Variants in UHMK1 observed in about 807,000 individuals in gnomAD.
UHMK1 encodes U2AF homology motif kinase 1.
In UHMK1, 18 loss-of-function variants were observed where a neutral mutation model predicts 44.0. The ratio of observed to expected loss-of-function variants is 0.41; its 90% CI spans 0.28 to 0.61. The LOEUF (loss-of-function observed/expected upper bound fraction) is 0.61, where lower values mean the gene tolerates loss of function less well. Ranked by LOEUF, UHMK1 falls within the 20% of genes least tolerant of loss-of-function variation. The pLI is 0.31. For synonymous variants in UHMK1, 231 were observed against 198.5 expected (o/e 1.16, Z -1.38); for missense variants, 463 against 522.5 (o/e 0.89, Z 1.11).
At chr1:162,520,161 T>C (rs148379544) in intron 7 of UHMK1, among the ~76,000 whole-genome samples, 390 of 152,366 alleles carry the variant, frequency 2.6e-3, no homozygotes, top group African/African-American at 8.7e-3. Flanking sequence ...CCCTAAGTGC[T>C]GGGATTAAAG....
rs1214500239 is a variant in UHMK1, at chr1:162,523,130, G to GT, written c.*587dup. The GT allele has an allele frequency of 6.5e-6, 1 of 152,696 alleles. No individual in the cohort carries two copies. The highest frequency in any genetic ancestry group is 6.5e-5 in the Admixed American group (1 of 15,290). The allele number at this position is 152,696 out of a possible 1,614,324, so 9.5% of individuals were successfully genotyped here. The stretch of plus-strand genomic sequence containing the variant: ...AAGGAACTGCAGTGAGCCTATCTAA[G>GT]TTTTTTTAAATTAAGGCTTTTAAAA... On this transcript the variant is annotated 3_prime_UTR_variant, in exon 8 of 8. Transcript: ENST00000489294.
chr1:162,512,149 AT>A (rs1323808745), intron 4 of UHMK1, among the ~76,000 whole-genome samples: 1 of 148,360 alleles, frequency 6.7e-6, no homozygotes, highest in Admixed American at 6.8e-5. Flanking sequence ...TATTAGAGAA[AT>A]TTGATGAGAT....
chr1:162,525,260 T>C lies in UHMK1; in HGVS notation c.*2710T>C, dbSNP rs2101689608. 6.6e-6 allele frequency: 1 copy of C among 152,310 alleles called. No individual in the cohort carries two copies. The highest frequency in any genetic ancestry group is 6.5e-5 in the Admixed American group (1 of 15,298). The allele number at this position is 152,310 out of a possible 1,614,324, so 9.4% of individuals were successfully genotyped here. Reference sequence around the variant, plus strand: ...AGGATGAAATATATACATAGGGATTTTGGTTTATTGAAGTTATTGAAAGAC... The same window carrying C: ...AGGATGAAATATATACATAGGGATTCTGGTTTATTGAAGTTATTGAAAGAC... On this transcript the variant is annotated 3_prime_UTR_variant, in exon 8 of 8. Transcript: ENST00000489294.
Position 162,498,076 on chromosome 1 carries a change from C to A in UHMK1, c.76C>A (p.Gln26Lys), listed in dbSNP as rs1257989165. The change falls in exon 1 of 8, where the codon CAG (glutamine) becomes AAG (lysine). Residue 26 changes from glutamine (Q) to lysine (K), a missense_variant. Gln to Lys is a moderately conservative substitution (Grantham distance 53). Transcript: ENST00000489294. ...GGCCTTCGGGCGGCTGTGGCAGGTA[C>A]AGAGCCGTCTGGGTAGCGGCTCCTC... ...LEAFGRLWQV[Q>K]SRLGSGSSAS... The A allele has an allele frequency of 6.2e-7, 1 of 1,611,536 alleles. No homozygotes were observed. Among genetic ancestry groups the A allele is most frequent in the Non-Finnish European group, 8.5e-7 (1 of 1,179,634 alleles).
At chr1:162,497,786 T>G, upstream of UHMK1, 4 of 1,185,994 alleles carry the variant, frequency 3.4e-6, no homozygotes, top group East Asian at 3.4e-5. Flanking sequence ...CTTCGGCCTG[T>G]ATGATAGGCT....
At position 162,522,573 on chromosome 1, in the gene UHMK1, C is replaced by T. The variant is rs760859204; in HGVS notation, c.*23C>T. The T allele has an allele frequency of 9.4e-6, 15 of 1,603,824 alleles. No homozygotes were observed. Among genetic ancestry groups the T allele is most frequent in the Non-Finnish European group, 1.3e-5 (15 of 1,175,484 alleles). On this transcript the variant is annotated 3_prime_UTR_variant, in exon 8 of 8. Transcript: ENST00000489294. ...TAATCAGTAACCTAAGGACTGTTTCCTTTTTCTCCTCTTCCATTTCTTGGG... is the reference window on the plus strand; with the variant it reads ...TAATCAGTAACCTAAGGACTGTTTCTTTTTTCTCCTCTTCCATTTCTTGGG...
rs537299851 is a variant in UHMK1, at chr1:162,501,345, T to G, written c.753+241T>G. ...CCACCGTACCCGGCTAATTTTTGTA[T>G]TTTTAGTAGACACGGAGTTTCACCA... is the stretch of plus-strand genomic sequence containing the variant. On this transcript the variant is annotated intron_variant, in intron 3 of 7. Transcript: ENST00000489294. 7.9e-5 allele frequency among the ~76,000 whole-genome samples: 12 copies of G among 152,190 alleles called. No homozygotes were observed. The East Asian group carries it at 2.1e-3, about 27-fold the overall frequency.
Position 162,525,354 on chromosome 1 carries a change from T to G in UHMK1, c.*2804T>G, listed in dbSNP as rs1271670516. 1 of 152,192 alleles carries G rather than the reference T, an allele frequency of 6.6e-6. No individual in the cohort carries two copies. The highest frequency in any genetic ancestry group is 2.4e-5 in the African/African-American group (1 of 41,448). The allele number at this position is 152,192 out of a possible 1,614,324, so 9.4% of individuals were successfully genotyped here. On this transcript the variant is annotated 3_prime_UTR_variant, in exon 8 of 8. Transcript: ENST00000489294. ...TCATGTCACTTAACCCCTACCCTTT[T>G]GGGCAAATTTTGTCTCAGGTAGTGT...
At position 162,512,480 on chromosome 1, in the gene UHMK1, C is replaced by A. The variant is rs774952991; in HGVS notation, c.849-20C>A. On this transcript the variant is annotated intron_variant, in intron 4 of 7. Coordinates refer to ENST00000489294, the MANE Select transcript of UHMK1 (RefSeq NM_175866.5). ...AAAAGATTCAGCAGAAATGATAAGG[C>A]ACCTATTTTTGTGTTTTAGCATGCT... 3.2e-6 allele frequency: 5 copies of A among 1,582,280 alleles called. No homozygotes were observed. The African/African-American group carries it at 4.1e-5, about 13-fold the overall frequency.
chr1:162,502,967 G>A (rs1177365566), intron 3 of UHMK1, among the ~76,000 whole-genome samples: 2 of 152,118 alleles, frequency 1.3e-5, no homozygotes, highest in Admixed American at 1.3e-4. Flanking sequence ...TTTAACTCAT[G>A]TACACAGTTC....
chr1:162,501,926 TAAAA>T (rs34424551), intron 3 of UHMK1, among the ~76,000 whole-genome samples: 2 of 130,314 alleles, frequency 1.5e-5, no homozygotes, highest in East Asian at 4.4e-4. Flanking sequence ...CAGTCTCTAG[TAAAA>T]AAAAAAAAAA....
intron 3 of UHMK1, among the ~76,000 whole-genome samples, chr1:162,502,174 C>A (rs756874712): frequency 1.3e-5 from 2 of 151,978 alleles, no homozygotes; most frequent in Non-Finnish European, 2.9e-5. Context: ...GTAGTTAATT[C>A]CTAATTTATA....
In UHMK1 at chr1:162,497,979, TC is replaced by T. The variant is rs768633454; in HGVS notation, c.-20del. 27 of 1,504,300 alleles carry T rather than the reference TC, an allele frequency of 1.8e-5. No individual in the cohort carries two copies. Among genetic ancestry groups the T allele is most frequent in the Non-Finnish European group, 2.3e-5 (26 of 1,126,888 alleles). 93.2% of individuals were successfully genotyped at this position (1,504,300 alleles called of 1,614,324 possible). On this transcript the variant is annotated 5_prime_UTR_variant, in exon 1 of 8. Transcript: ENST00000489294. The stretch of plus-strand genomic sequence containing the variant: ...CTCAGGCGTCGCGTCAGCTCCCGTG[TC>T]CGTGCCCTTAACCCACACCGATGGC...
chr1:162,498,996 A>G (rs918737982), intron 1 of UHMK1, among the ~76,000 whole-genome samples: 4 of 152,326 alleles, frequency 2.6e-5, no homozygotes, highest in South Asian at 2.1e-4. Context: ...TTGGAGAAGA[A>G]TTAACACTAG....
At chr1:162,520,732 T>A (rs1652022961) in intron 7 of UHMK1, among the ~76,000 whole-genome samples, 1 of 151,998 alleles carries the variant, frequency 6.6e-6, no homozygotes, top group South Asian at 2.1e-4. Flanking sequence ...TCAGAGAGAT[T>A]AGGGAGTGGT....
At chr1:162,512,995 C>G in intron 6 of UHMK1, 172 bp downstream of exon 6, 1 of 646,804 alleles carries the variant, frequency 1.5e-6, no homozygotes, top group Non-Finnish European at 2.5e-6. Context: ...TCTTGTTGCC[C>G]AGGCTGGAGT....
chr1:162,499,696 G>A (rs1356518757), intron 1 of UHMK1, among the ~76,000 whole-genome samples: 4 of 152,048 alleles, frequency 2.6e-5, no homozygotes, highest in African/African-American at 9.7e-5. Context: ...TGAGTACTTG[G>A]TGAAACACAA....
intron 6 of UHMK1, among the ~76,000 whole-genome samples, chr1:162,514,182 G>A (rs1054716141): frequency 4.6e-5 from 7 of 152,098 alleles, no homozygotes; most frequent in African/African-American, 1.4e-4. Context: ...CCAGCTGCTC[G>A]GGAGGCTGAG....
intron 7 of UHMK1, 110 bp from the exon 8 acceptor site, chr1:162,522,294 C>G: frequency 7.7e-7 from 1 of 1,300,962 alleles, no homozygotes; most frequent in African/African-American, 1.5e-5. Context: ...GAAGCAAAAT[C>G]TGCATTTTAA....
Sources: gnomAD v4.1 joint callset for allele counts (sites outside exome capture counted in the v4.1 genomes callset) on GRCh38, gnomAD v4.1.1 for gene constraint, MANE v1.5 for transcripts, NCBI Gene and HGNC (gene_info 2026-07-23, HGNC 2026-07-21) for gene names.